Variants in KCTD2 observed in about 807,000 individuals in gnomAD.
The protein encoded by KCTD2 is potassium channel tetramerization domain containing 2, also known as BTB/POZ domain-containing protein KCTD2.
In KCTD2, 18 loss-of-function variants were observed where a neutral mutation model predicts 27.9. The ratio of observed to expected loss-of-function variants is 0.64; its 90% CI spans 0.45 to 0.96. The LOEUF is 0.96. Among genes scored for constraint, KCTD2 ranks in the 40% least tolerant of loss-of-function variants. The pLI is 0.00. For missense variants in KCTD2, 280 were observed against 348.0 expected, an observed-to-expected ratio of 0.80 and a Z score of 1.56; for synonymous variants, 175 against 148.4, an observed-to-expected ratio of 1.18 and a Z score of -1.30.
intron 3 of KCTD2, chr17:75,040,561 G>C (rs2073148834): frequency 4.6e-6 from 1 of 219,220 alleles, no homozygotes; most frequent in African/African-American, 2.3e-5. Context: ...GGTGGAAGGA[G>C]CACTGCGTAA....
At chr17:75,036,802 G>A (rs2073106111) in intron 3 of KCTD2, among the ~76,000 whole-genome samples, 1 of 152,216 alleles carries the variant, frequency 6.6e-6, no homozygotes, top group African/African-American at 2.4e-5. Context: ...CAGGGGAAGG[G>A]TGTGGTACTT....
intron 3 of KCTD2, chr17:75,036,010 C>CA (rs1282732790): frequency 2.2e-6 from 1 of 453,826 alleles, no homozygotes. Context: ...CATGTGTGTG[C>CA]AAGTGTACTT....
In KCTD2 at chr17:75,060,363, A is replaced by G. The variant is rs917030897; in HGVS notation, c.636+758A>G. On this transcript the variant is annotated intron_variant, in intron 4 of 5. Transcript: ENST00000322444. ...GTCCACTGGAAAAATGTAGTCCTTGATATTTCTATTTCACATTCAAGTGAT... is the reference window on the plus strand; with the variant it reads ...GTCCACTGGAAAAATGTAGTCCTTGGTATTTCTATTTCACATTCAAGTGAT... 3.7e-6 allele frequency: 5 copies of G among 1,355,754 alleles called. No individual in the cohort carries two copies. The African/African-American group carries it at 4.4e-5, about 12-fold the overall frequency. The allele number at this position is 1,355,754 out of a possible 1,614,324, so 84.0% of individuals were successfully genotyped here. A position where few individuals can be genotyped will look rare whatever the true frequency, so the allele number is the denominator to read the frequency against.
chr17:75,039,990 T>C, intron 3 of KCTD2: 3 of 1,212,844 alleles, frequency 2.5e-6, no homozygotes, highest in Non-Finnish European at 1.2e-6. Flanking sequence ...TTTATATGGC[T>C]GTTAACTCTT....
At chr17:75,042,386 C>T (rs2073170261), upstream of KCTD2, 1 of 1,504,530 alleles carries the variant, frequency 6.6e-7, no homozygotes, top group Non-Finnish European at 9.1e-7. Context: ...CCACACTTTC[C>T]TCTCCTAAGA....
At chr17:75,033,605 G>A (rs1403991484) in intron 1 of KCTD2, among the ~76,000 whole-genome samples, 1 of 152,130 alleles carries the variant, frequency 6.6e-6, no homozygotes, top group East Asian at 1.9e-4. Context: ...GGCTCAGGGC[G>A]GTAGGAAGGA....
chr17:75,039,063 T>A (rs376925615), intron 3 of KCTD2: 1 of 1,613,878 alleles, frequency 6.2e-7, no homozygotes. Flanking sequence ...ATCTTCTCCA[T>A]CTGGAAAGAG....
intron 3 of KCTD2, among the ~76,000 whole-genome samples, chr17:75,037,890 A>G (rs979126037): frequency 1.3e-5 from 2 of 151,898 alleles, no homozygotes; most frequent in Admixed American, 1.3e-4. Context: ...TCTACTAAAA[A>G]TAAAACAAAT....
At chr17:75,041,274 G>T (rs2073156761) in intron 3 of KCTD2, 1 of 150,988 alleles carries the variant, frequency 6.6e-6, no homozygotes, top group Non-Finnish European at 1.5e-5. Context: ...AGGAAGGCTT[G>T]AGCCCGGGAG....
upstream of KCTD2, among the ~76,000 whole-genome samples, chr17:75,043,220 CAAAAA>C (rs942881681): frequency 4.6e-5 from 7 of 151,994 alleles, no homozygotes; most frequent in South Asian, 2.1e-4. Flanking sequence ...GAGTCCGTCT[CAAAAA>C]GAAAAGGAAA....
chr17:75,057,939 A>C (rs928916422), intron 3 of KCTD2, among the ~76,000 whole-genome samples: 1 of 151,892 alleles, frequency 6.6e-6, no homozygotes. Context: ...TCATGCCTGT[A>C]ATCCCAGCAC....
chr17:75,047,762 C>CATGCCCA (rs2073241846), intron 1 of KCTD2, among the ~76,000 whole-genome samples, 173 bp downstream of exon 1: 1 of 152,136 alleles, frequency 6.6e-6, no homozygotes, highest in Non-Finnish European at 1.5e-5. Context: ...CTCCCACTCC[C>CATGCCCA]CTTCTTCCAT....
intron 4 of KCTD2, among the ~76,000 whole-genome samples, chr17:75,061,171 G>C (rs1178649971): frequency 6.6e-6 from 1 of 152,212 alleles, no homozygotes; most frequent in Non-Finnish European, 1.5e-5. Context: ...TTCTGGATGA[G>C]GAAGTTTGTT....
chr17:75,047,744 A>C (rs1322795013), intron 1 of KCTD2, among the ~76,000 whole-genome samples, 155 bp downstream of exon 1: 1 of 151,408 alleles, frequency 6.6e-6, no homozygotes, highest in Non-Finnish European at 1.5e-5. Context: ...CAGGGGCCTC[A>C]GAGGGACCTC....
At chr17:75,043,593 C>T (rs533479423), upstream of KCTD2, among the ~76,000 whole-genome samples, 1 of 140,368 alleles carries the variant, frequency 7.1e-6, no homozygotes, top group Admixed American at 7.5e-5. Flanking sequence ...AGCCTGGACA[C>T]AGAGTGAGAC....
chr17:75,052,250 T>C (rs950103204), intron 2 of KCTD2, among the ~76,000 whole-genome samples: 1 of 152,228 alleles, frequency 6.6e-6, no homozygotes, highest in African/African-American at 2.4e-5. Context: ...AGCAAAGAGA[T>C]ATTTCCTAGC....
chr17:75,052,564 A>G (rs543161948), intron 2 of KCTD2, among the ~76,000 whole-genome samples: 1 of 152,254 alleles, frequency 6.6e-6, no homozygotes, highest in Non-Finnish European at 1.5e-5. Flanking sequence ...TCTACTAAAA[A>G]TACAAAAAAT....
chr17:75,054,748 A>C (rs1298607335), intron 3 of KCTD2, among the ~76,000 whole-genome samples: 1 of 151,850 alleles, frequency 6.6e-6, no homozygotes, highest in Non-Finnish European at 1.5e-5. Context: ...CGGAGCTTGT[A>C]GTGAGCCAAG....
chr17:75,034,503 C>T (rs936702645), intron 2 of KCTD2, among the ~76,000 whole-genome samples: 1 of 152,138 alleles, frequency 6.6e-6, no homozygotes, highest in Non-Finnish European at 1.5e-5. Flanking sequence ...GCCACTGGGG[C>T]GCGGTAAGAC....
Sources: allele counts gnomAD v4.1 joint callset (sites outside exome capture counted in the v4.1 genomes callset), GRCh38; gene constraint gnomAD v4.1.1; transcripts MANE v1.5; gene names NCBI Gene and HGNC (gene_info 2026-07-23, HGNC 2026-07-21).